ARHGAP26: variants seen among roughly 807,000 people sequenced by gnomAD.
ARHGAP26 encodes the protein rho GTPase-activating protein 26.
A neutral mutation model predicts 104.8 loss-of-function variants in ARHGAP26; 38 were observed. The ratio of observed to expected loss-of-function variants is 0.36; its 90% CI spans 0.28 to 0.48. ARHGAP26 has a LOEUF of 0.48. Among genes scored for constraint, ARHGAP26 ranks in the 20% least tolerant of loss-of-function variants. ARHGAP26 has a pLI of 0.99. For synonymous variants in ARHGAP26, 341 were observed against 340.0 expected, an observed-to-expected ratio of 1.00 and a Z score of -0.03; for missense variants, 704 against 947.9, an observed-to-expected ratio of 0.74 and a Z score of 3.38.
intron 11 of ARHGAP26, among the ~76,000 whole-genome samples, chr5:142,967,243 AG>A (rs986864815): frequency 2.6e-5 from 4 of 152,226 alleles, no homozygotes; most frequent in Admixed American, 2.6e-4. Flanking sequence ...AGTGCCAGTA[AG>A]ACAGAGTGAA....
chr5:142,771,430 G>A, intron 1 of ARHGAP26: 1 of 1,230,868 alleles, frequency 8.1e-7, no homozygotes, highest in Non-Finnish European at 1.0e-6. Flanking sequence ...TCAGGCCGCC[G>A]GGTTCCCTGG....
intron 17 of ARHGAP26, among the ~76,000 whole-genome samples, chr5:143,094,620 A>G (rs1361229500): frequency 6.6e-6 from 1 of 152,246 alleles, no homozygotes; most frequent in Non-Finnish European, 1.5e-5. Context: ...GCCCTTACAG[A>G]TGGAACAATG....
At chr5:142,985,656 T>TC (rs1171270381) in intron 11 of ARHGAP26, among the ~76,000 whole-genome samples, 2 of 27,250 alleles carry the variant, frequency 7.3e-5, no homozygotes, top group East Asian at 1.4e-3. Flanking sequence ...CCCTCCCCCC[T>TC]CCCCCCCACC....
chr5:142,893,315 T>A (rs1462050791), intron 5 of ARHGAP26, among the ~76,000 whole-genome samples: 1 of 152,056 alleles, frequency 6.6e-6, no homozygotes, highest in Non-Finnish European at 1.5e-5. Context: ...TCATTCTACT[T>A]TTTACTTCCT....
chr5:143,066,180 T>C (rs989091225), intron 17 of ARHGAP26, among the ~76,000 whole-genome samples: 1 of 152,222 alleles, frequency 6.6e-6, no homozygotes, highest in Non-Finnish European at 1.5e-5. Context: ...CACAGTTGCC[T>C]ACAGTGTTCA....
intron 1 of ARHGAP26, among the ~76,000 whole-genome samples, chr5:142,795,361 G>A (rs186534985): frequency 1.3e-5 from 2 of 150,884 alleles, no homozygotes; most frequent in African/African-American, 2.4e-5. Flanking sequence ...CTTTACCACC[G>A]CACAGCATGC....
At chr5:142,849,904 T>G (rs1473798175) in intron 1 of ARHGAP26, among the ~76,000 whole-genome samples, 1 of 151,942 alleles carries the variant, frequency 6.6e-6, no homozygotes, top group Admixed American at 6.6e-5. Flanking sequence ...GATGATTTGT[T>G]TCACCCAGTT....
chr5:143,054,149 A>C (rs1182676667), intron 14 of ARHGAP26, among the ~76,000 whole-genome samples: 1 of 152,192 alleles, frequency 6.6e-6, no homozygotes, highest in East Asian at 1.9e-4. Context: ...AAAGGGTATA[A>C]ACGTTTTTAA....
intron 11 of ARHGAP26, among the ~76,000 whole-genome samples, chr5:142,983,536 G>GTCTT (rs1774259815): frequency 6.6e-6 from 1 of 152,290 alleles, no homozygotes; most frequent in Admixed American, 6.5e-5. Context: ...TTTCAAAATG[G>GTCTT]TCTGAGAAAT....
chr5:143,055,364 TGTAA>T (rs1450154195), intron 15 of ARHGAP26, among the ~76,000 whole-genome samples: 1 of 152,196 alleles, frequency 6.6e-6, no homozygotes, highest in African/African-American at 2.4e-5. Context: ...TAAGATATAA[TGTAA>T]GTGTTAACTA....
At chr5:142,882,277 T>C (rs560171000) in intron 4 of ARHGAP26, among the ~76,000 whole-genome samples, 2 of 152,328 alleles carry the variant, frequency 1.3e-5, no homozygotes, top group African/African-American at 4.8e-5. Context: ...AGAGTTATTA[T>C]GAAGAAGAAG....
chr5:143,079,224 T>G (rs1789462818), intron 17 of ARHGAP26, among the ~76,000 whole-genome samples: 1 of 152,188 alleles, frequency 6.6e-6, no homozygotes, highest in African/African-American at 2.4e-5. Context: ...ATCTATAGAG[T>G]TGGGCAACCA....
At chr5:142,996,042 G>A (rs1776330759) in intron 11 of ARHGAP26, among the ~76,000 whole-genome samples, 1 of 152,120 alleles carries the variant, frequency 6.6e-6, no homozygotes, top group African/African-American at 2.4e-5. Flanking sequence ...GGCCTACTGG[G>A]GGGTGGGGAG....
chr5:142,873,656 G>T (rs1011589404), intron 2 of ARHGAP26, among the ~76,000 whole-genome samples, 161 bp downstream of exon 2: 6 of 152,180 alleles, frequency 3.9e-5, no homozygotes, highest in African/African-American at 1.2e-4. Context: ...ATCGGAGCTT[G>T]GGGCTACTCT....
intron 20 of ARHGAP26, 58 bp downstream of exon 20, chr5:143,147,439 G>C: frequency 1.3e-6 from 2 of 1,567,214 alleles, no homozygotes; most frequent in Non-Finnish European, 1.7e-6. Flanking sequence ...ATTCCACCTA[G>C]AATTTGCTGT....
intron 1 of ARHGAP26, among the ~76,000 whole-genome samples, chr5:142,799,411 A>C (rs1033864236): frequency 1.3e-5 from 2 of 152,164 alleles, no homozygotes; most frequent in African/African-American, 4.8e-5. Flanking sequence ...CGAATGTCTT[A>C]ATTTGTAATA....
chr5:142,875,054 G>A, intron 2 of ARHGAP26, 56 bp from the exon 3 acceptor site: 7 of 1,459,002 alleles, frequency 4.8e-6, no homozygotes, highest in Non-Finnish European at 5.8e-6. Context: ...GAGCTGGAAA[G>A]GCTCCCCAAG....
chr5:143,030,143 G>C (rs1396948877), intron 12 of ARHGAP26, among the ~76,000 whole-genome samples: 1 of 152,220 alleles, frequency 6.6e-6, no homozygotes, highest in Non-Finnish European at 1.5e-5. Context: ...CTGAAGGTTG[G>C]AGTTGAGCAA....
chr5:142,941,166 G>A (rs534669702), intron 11 of ARHGAP26, among the ~76,000 whole-genome samples: 2 of 146,902 alleles, frequency 1.4e-5, no homozygotes, highest in African/African-American at 5.0e-5. Flanking sequence ...TCTGTTTTAA[G>A]TTCTTTGAGG....
Sources: allele counts gnomAD v4.1 joint callset (sites outside exome capture counted in the v4.1 genomes callset), GRCh38; gene constraint gnomAD v4.1.1; transcripts MANE v1.5; gene names NCBI Gene and HGNC (gene_info 2026-07-23, HGNC 2026-07-21).